The following NIPSNAP1 variants were observed in gnomAD, a reference collection of about 807,000 sequenced individuals.
NIPSNAP1 encodes the protein protein NipSnap homolog 1.
In NIPSNAP1, 25 loss-of-function variants were observed where a neutral mutation model predicts 49.2. The observed-to-expected ratio is 0.51, with a 90% CI of 0.37 to 0.71. NIPSNAP1 has a LOEUF of 0.71. Among genes scored for constraint, NIPSNAP1 ranks in the 30% least tolerant of loss-of-function variants. NIPSNAP1 has a pLI of 0.00. For synonymous variants in NIPSNAP1, 143 were observed against 140.7 expected (o/e 1.02, Z -0.12); for missense variants, 294 against 361.0 (o/e 0.81, Z 1.50).
At chr22:29,572,069 A>G (rs1055416586) in intron 1 of NIPSNAP1, among the ~76,000 whole-genome samples, 11 of 151,664 alleles carry the variant, frequency 7.3e-5, no homozygotes, top group African/African-American at 2.7e-4. Context: ...TTGGGAGGCC[A>G]AGGCAGGCAG....
intron 1 of NIPSNAP1, chr22:29,580,064 T>C (rs2064485734): frequency 7.7e-7 from 1 of 1,302,614 alleles, no homozygotes; most frequent in South Asian, 1.2e-5. Context: ...TGCTTCCTTT[T>C]CACAGGTTGG....
chr22:29,568,985 C>A (rs1455267108), intron 4 of NIPSNAP1, among the ~76,000 whole-genome samples: 2 of 151,984 alleles, frequency 1.3e-5, no homozygotes, highest in Non-Finnish European at 2.9e-5. Flanking sequence ...GGGGGCAGGG[C>A]CGGGAAGGAG....
At chr22:29,568,376 G>A (rs1321652165) in intron 4 of NIPSNAP1, among the ~76,000 whole-genome samples, 2 of 149,892 alleles carry the variant, frequency 1.3e-5, no homozygotes, top group African/African-American at 2.5e-5. Context: ...CCAGCTACTC[G>A]GGAAGCTGAG....
intron 1 of NIPSNAP1, among the ~76,000 whole-genome samples, chr22:29,576,783 G>C (rs967626579): frequency 1.3e-5 from 2 of 151,204 alleles, no homozygotes; most frequent in Admixed American, 1.3e-4. Context: ...AAATTAGCTG[G>C]GTGCGGTGGC....
intron 3 of NIPSNAP1, among the ~76,000 whole-genome samples, chr22:29,569,689 AAAAG>A (rs1235728114): frequency 1.3e-5 from 2 of 151,262 alleles, no homozygotes; most frequent in East Asian, 2.0e-4. Flanking sequence ...AAAAAAAAAA[AAAAG>A]AAAGAAAGAA....
intron 9 of NIPSNAP1, among the ~76,000 whole-genome samples, chr22:29,556,717 G>A (rs913246882): frequency 6.6e-6 from 1 of 152,070 alleles, no homozygotes; most frequent in Non-Finnish European, 1.5e-5. Context: ...TTCTGATTTG[G>A]TAGGTTGCAG....
chr22:29,562,108 C>T (rs996788631), intron 4 of NIPSNAP1, among the ~76,000 whole-genome samples: 1 of 152,124 alleles, frequency 6.6e-6, no homozygotes, highest in South Asian at 2.1e-4. Context: ...TGCTCTAGGC[C>T]TCAATGTTCT....
chr22:29,568,204 G>T (rs62226150), intron 4 of NIPSNAP1, among the ~76,000 whole-genome samples: 1 of 118,500 alleles, frequency 8.4e-6, no homozygotes, highest in Non-Finnish European at 1.7e-5. Flanking sequence ...AAAAAAAAAG[G>T]CCGGGAGTGG....
At position 29,573,768 on chromosome 22, in the gene NIPSNAP1, C is replaced by CAAAAAAAAA. The variant is rs695672; in HGVS notation, c.99-3245_99-3237dup. ...GGGCAACAAGAGTGAAACTCTGTCT[C>CAAAAAAAAA]AAAAAAAAAAAAAATTAGCCAGGTG... On this transcript the variant is annotated intron_variant, in intron 1 of 9. Coordinates refer to ENST00000216121, the MANE Select transcript of NIPSNAP1 (RefSeq NM_003634.4). Among the ~76,000 whole-genome samples the CAAAAAAAAA allele has an allele frequency of 8.8e-5, 11 of 125,146 alleles. 2 individuals are homozygous for CAAAAAAAAA. Among genetic ancestry groups the CAAAAAAAAA allele is most frequent in the Middle Eastern group, 4.6e-3 (1 of 218 alleles). 82.1% of individuals were successfully genotyped at this position (125,146 alleles called of 152,430 possible).
chr22:29,577,387 G>A (rs998052795), intron 1 of NIPSNAP1, among the ~76,000 whole-genome samples: 1 of 150,296 alleles, frequency 6.7e-6, no homozygotes, highest in Non-Finnish European at 1.5e-5. Flanking sequence ...GGAGTAGTTG[G>A]GACTATAGAC....
chr22:29,581,092 G>C lies in NIPSNAP1; in HGVS notation c.-10C>G. On this transcript the variant is annotated 5_prime_UTR_variant, in exon 1 of 10. Transcript: ENST00000216121. The stretch of plus-strand genomic sequence containing the variant: ...ACAGCCGCGGAGCCATGTTGGAGCC[G>C]CAAAGGTTGCAGGAAGGCCCCGCCC... 1 of 1,540,638 alleles carries C rather than the reference G, an allele frequency of 6.5e-7. No individual in the cohort carries two copies. Among genetic ancestry groups the C allele is most frequent in the Middle Eastern group, 2.0e-4 (1 of 5,108 alleles).
intron 4 of NIPSNAP1, among the ~76,000 whole-genome samples, chr22:29,562,206 G>A (rs1416031840): frequency 6.6e-6 from 1 of 152,132 alleles, no homozygotes; most frequent in Non-Finnish European, 1.5e-5. Flanking sequence ...TGGAAGCAGT[G>A]GCATGCATAA....
chr22:29,570,508 G>A lies in NIPSNAP1; in HGVS notation c.123C>T (p.Gly41=). 1.9e-6 allele frequency: 3 copies of A among 1,613,926 alleles called. No individual in the cohort carries two copies. The highest frequency in any genetic ancestry group is 2.5e-6 in the Non-Finnish European group (3 of 1,179,936). ...GAACAAAGAGGGAGCGGAACCAGCT[G>A]CCTTCATTGTCCTTGGAATAGAAAC... ...AARFYSKDNE[G]SWFRSLFVHK... is the part of the protein sequence containing the mutation. The change falls in exon 2 of 10, where the codon GGC becomes GGT. Residue 41 remains glycine, a synonymous_variant. Coordinates refer to ENST00000216121, the MANE Select transcript of NIPSNAP1 (RefSeq NM_003634.4).
At chr22:29,556,456 A>T (rs1359196991) in intron 9 of NIPSNAP1, among the ~76,000 whole-genome samples, 1 of 151,890 alleles carries the variant, frequency 6.6e-6, no homozygotes, top group Non-Finnish European at 1.5e-5. Flanking sequence ...CCCGGGAGTC[A>T]GAGGTTGCTG....
At chr22:29,574,262 A>AC (rs2064432612) in intron 1 of NIPSNAP1, among the ~76,000 whole-genome samples, 1 of 62,380 alleles carries the variant, frequency 1.6e-5, no homozygotes, top group Non-Finnish European at 3.2e-5. Context: ...CCATCTTCAC[A>AC]AAAAAAAAAA....
intron 9 of NIPSNAP1, among the ~76,000 whole-genome samples, chr22:29,557,351 C>T (rs115524097): frequency 1.4e-3 from 210 of 152,286 alleles, no homozygotes; most frequent in African/African-American, 4.5e-3. Context: ...AACTCCTGGC[C>T]TCAATTGATC....
intron 3 of NIPSNAP1, 112 bp downstream of exon 3, chr22:29,570,050 C>T (rs2064396518): frequency 1.2e-6 from 1 of 855,912 alleles, no homozygotes. Context: ...AAGAAATCTA[C>T]ATCTCCTGGA....
At chr22:29,564,975 C>T (rs1283674724) in intron 4 of NIPSNAP1, among the ~76,000 whole-genome samples, 1 of 151,826 alleles carries the variant, frequency 6.6e-6, no homozygotes, top group African/African-American at 2.4e-5. Context: ...AGCACTTGAG[C>T]TCAGGAGTCT....
At chr22:29,574,013 T>C (rs2064430382) in intron 1 of NIPSNAP1, among the ~76,000 whole-genome samples, 1 of 151,466 alleles carries the variant, frequency 6.6e-6, no homozygotes, top group Non-Finnish European at 1.5e-5. Flanking sequence ...CCTAGCATTT[T>C]GGGAGGCTGA....
Sources: allele counts gnomAD v4.1 joint callset (sites outside exome capture counted in the v4.1 genomes callset), GRCh38; gene constraint gnomAD v4.1.1; transcripts MANE v1.5; gene names NCBI Gene and HGNC (gene_info 2026-07-23, HGNC 2026-07-21).